LRRC4C: variants seen among roughly 807,000 people sequenced by gnomAD.
LRRC4C encodes the protein leucine-rich repeat-containing protein 4C.
In LRRC4C, 5 loss-of-function variants were observed where a neutral mutation model predicts 33.6. The ratio of observed to expected loss-of-function variants is 0.15; its 90% CI spans 0.08 to 0.31. LRRC4C has a LOEUF of 0.31. Ranked by LOEUF, LRRC4C falls within the 10% of genes least tolerant of loss-of-function variation. The pLI, the probability that LRRC4C is intolerant of heterozygous loss-of-function variation, is 1.00. For synonymous variants in LRRC4C, 329 were observed against 302.0 expected, an observed-to-expected ratio of 1.09 and a Z score of -0.93; for missense variants, 560 against 796.7, an observed-to-expected ratio of 0.70 and a Z score of 3.58.
intron 3 of LRRC4C, among the ~76,000 whole-genome samples, chr11:40,404,877 A>G (rs1194965699): frequency 6.6e-6 from 1 of 151,876 alleles, no homozygotes; most frequent in Non-Finnish European, 1.5e-5. Context: ...ATATAATAAA[A>G]TGTTACTATA....
intron 2 of LRRC4C, among the ~76,000 whole-genome samples, chr11:40,918,763 G>A: frequency 6.6e-6 from 1 of 152,226 alleles, no homozygotes; most frequent in East Asian, 1.9e-4. Context: ...TGGGCCTATA[G>A]CATGGGTCTC....
Position 40,540,246 on chromosome 11 carries a change from T to C in LRRC4C, c.-270+107896A>G, listed in dbSNP as rs143237563. 4.5e-3 allele frequency among the ~76,000 whole-genome samples: 679 copies of C among 152,302 alleles called. 22 individuals carry two copies. The highest frequency in any genetic ancestry group is 0.032 in the Admixed American group (483 of 15,284). On this transcript the variant is annotated intron_variant, in intron 3 of 6. Coordinates refer to ENST00000528697, the MANE Select transcript of LRRC4C (RefSeq NM_001258419.2). ...TTCTAAGTGCTGAACTGAATAGGTGTCAACTTTCTGTTGTAGCGCTGGCAG... is the reference window on the plus strand; with the variant it reads ...TTCTAAGTGCTGAACTGAATAGGTGCCAACTTTCTGTTGTAGCGCTGGCAG...
At chr11:41,222,259 G>T (rs1947340302) in intron 1 of LRRC4C, among the ~76,000 whole-genome samples, 1 of 152,142 alleles carries the variant, frequency 6.6e-6, no homozygotes, top group Non-Finnish European at 1.5e-5. Flanking sequence ...TGTGGCACTT[G>T]AATAAAGGTT....
intron 1 of LRRC4C, among the ~76,000 whole-genome samples, chr11:41,076,016 A>C (rs1209445332): frequency 2.0e-5 from 3 of 152,136 alleles, no homozygotes; most frequent in African/African-American, 7.2e-5. Context: ...CTTGATGTCT[A>C]AACATTAAAG....
chr11:40,216,752 G>A (rs1315480202), intron 5 of LRRC4C, among the ~76,000 whole-genome samples: 2 of 152,182 alleles, frequency 1.3e-5, no homozygotes, highest in Non-Finnish European at 2.9e-5. Context: ...CAACATGCCT[G>A]TCAATATTCT....
At chr11:41,101,557 A>C (rs2135618199) in intron 1 of LRRC4C, among the ~76,000 whole-genome samples, 1 of 152,292 alleles carries the variant, frequency 6.6e-6, no homozygotes, top group Non-Finnish European at 1.5e-5. Context: ...TGGGAGTGCA[A>C]ATTTGTTCAA....
chr11:40,754,954 G>A (rs1443971458), intron 2 of LRRC4C, among the ~76,000 whole-genome samples: 1 of 151,912 alleles, frequency 6.6e-6, no homozygotes, highest in African/African-American at 2.4e-5. Flanking sequence ...CTTTCTTTAG[G>A]AAAATCTACA....
At chr11:41,071,791 T>C (rs926283988) in intron 1 of LRRC4C, among the ~76,000 whole-genome samples, 4 of 152,312 alleles carry the variant, frequency 2.6e-5, no homozygotes, top group Admixed American at 6.5e-5. Context: ...ATTGAAAACT[T>C]CCTGGAAAGG....
At chr11:40,283,103 G>A (rs937263586) in intron 4 of LRRC4C, among the ~76,000 whole-genome samples, 5 of 152,184 alleles carry the variant, frequency 3.3e-5, no homozygotes, top group Non-Finnish European at 7.4e-5. Context: ...TTTGTGACCA[G>A]CAGACTTCAC....
At chr11:41,325,486 A>G (rs1355532444) in intron 1 of LRRC4C, among the ~76,000 whole-genome samples, 1 of 150,436 alleles carries the variant, frequency 6.6e-6, no homozygotes, top group African/African-American at 2.5e-5. Context: ...TTCTTAATTT[A>G]TTATCCTATG....
intron 5 of LRRC4C, among the ~76,000 whole-genome samples, chr11:40,231,474 C>CTATA (rs5791364): frequency 0.76 from 116,003 of 151,738 alleles, 48,668 homozygotes; most frequent in East Asian, 0.96. Flanking sequence ...TTATAATAAA[C>CTATA]TAGTCAATAT....
At chr11:41,122,115 A>T (rs563390286) in intron 1 of LRRC4C, among the ~76,000 whole-genome samples, 2 of 152,240 alleles carry the variant, frequency 1.3e-5, no homozygotes, top group Admixed American at 1.3e-4. Flanking sequence ...AAATATATAT[A>T]AAAAAACCTT....
At chr11:41,197,407 A>G (rs1198020030) in intron 1 of LRRC4C, among the ~76,000 whole-genome samples, 1 of 152,048 alleles carries the variant, frequency 6.6e-6, no homozygotes, top group Admixed American at 6.6e-5. Flanking sequence ...ATGCTAAAAA[A>G]TAACTGTTGG....
At chr11:40,940,372 A>G (rs1009485402) in intron 1 of LRRC4C, among the ~76,000 whole-genome samples, 1 of 152,148 alleles carries the variant, frequency 6.6e-6, no homozygotes, top group African/African-American at 2.4e-5. Flanking sequence ...ACCAAGCGGG[A>G]AACAATGTAT....
intron 2 of LRRC4C, among the ~76,000 whole-genome samples, chr11:40,728,442 TA>T (rs1302188545): frequency 6.8e-6 from 1 of 146,414 alleles, no homozygotes; most frequent in Non-Finnish European, 1.5e-5. Flanking sequence ...CGTTCTCTAC[TA>T]AAAAAAGAAA....
chr11:41,116,609 G>A (rs1337782176), intron 1 of LRRC4C, among the ~76,000 whole-genome samples: 2 of 152,070 alleles, frequency 1.3e-5, no homozygotes, highest in Non-Finnish European at 2.9e-5. Flanking sequence ...TCATTTTGGA[G>A]AAAGAGTAAA....
chr11:40,456,893 G>A lies in LRRC4C; in HGVS notation c.-269-137172C>T, dbSNP rs184160656. Among the ~76,000 whole-genome samples the A allele has an allele frequency of 1.5e-3, 218 of 145,810 alleles. 1 individual carries two copies. The highest frequency in any genetic ancestry group is 5.2e-3 in the African/African-American group (206 of 39,594). ...AGAGAAAGAGCATGGAGATAAGGGCGGGAGGGGAAAAGGAAAGAAAGGAAG... is the reference window on the plus strand; with the variant it reads ...AGAGAAAGAGCATGGAGATAAGGGCAGGAGGGGAAAAGGAAAGAAAGGAAG... On this transcript the variant is annotated intron_variant, in intron 3 of 6. Transcript: ENST00000528697.
intron 2 of LRRC4C, among the ~76,000 whole-genome samples, chr11:40,886,740 AC>A (rs1955478107): frequency 6.6e-6 from 1 of 151,896 alleles, no homozygotes; most frequent in Non-Finnish European, 1.5e-5. Context: ...TAAACTCTAT[AC>A]TAAATGAAGA....
intron 6 of LRRC4C, among the ~76,000 whole-genome samples, chr11:40,118,675 A>G (rs1855608885): frequency 6.6e-6 from 1 of 152,134 alleles, no homozygotes; most frequent in Non-Finnish European, 1.5e-5. Flanking sequence ...TAGTACATCC[A>G]GGGAACAGTA....
Sources: gnomAD v4.1 joint callset for allele counts (sites outside exome capture counted in the v4.1 genomes callset) on GRCh38, gnomAD v4.1.1 for gene constraint, MANE v1.5 for transcripts, NCBI Gene and HGNC (gene_info 2026-07-23, HGNC 2026-07-21) for gene names.